Variants in NRG3 observed in about 807,000 individuals in gnomAD.
NRG3 encodes the protein pro-neuregulin-3, membrane-bound isoform.
Under a neutral mutation model 66.9 loss-of-function variants are expected in NRG3, and 31 were observed. The observed-to-expected ratio is 0.46, with a 90% CI of 0.35 to 0.63. NRG3 has a LOEUF of 0.63. Ranked by LOEUF, NRG3 falls within the 20% of genes least tolerant of loss-of-function variation. The pLI is 0.00. For missense variants in NRG3, 910 were observed against 878.9 expected, an observed-to-expected ratio of 1.04 and a Z score of -0.45; for synonymous variants, 393 against 359.4, an observed-to-expected ratio of 1.09 and a Z score of -1.06.
intron 1 of NRG3, among the ~76,000 whole-genome samples, chr10:82,253,190 G>A (rs935739782): frequency 4.6e-5 from 7 of 152,112 alleles, no homozygotes; most frequent in Non-Finnish European, 1.0e-4. Context: ...TATCTGGTTA[G>A]TTCAAATACC....
At chr10:82,864,522 A>G (rs924186678) in intron 3 of NRG3, among the ~76,000 whole-genome samples, 5 of 152,166 alleles carry the variant, frequency 3.3e-5, no homozygotes, top group Non-Finnish European at 7.4e-5. Flanking sequence ...TCAGACAAAT[A>G]TTATGGCAAC....
At chr10:82,430,837 G>C (rs930009530) in intron 2 of NRG3, among the ~76,000 whole-genome samples, 3 of 152,088 alleles carry the variant, frequency 2.0e-5, no homozygotes, top group African/African-American at 7.2e-5. Flanking sequence ...ATCTGCCAAT[G>C]GGCTCTCTAC....
intron 1 of NRG3, among the ~76,000 whole-genome samples, chr10:82,142,064 A>G (rs1408081776): frequency 2.0e-5 from 3 of 152,228 alleles, no homozygotes; most frequent in Non-Finnish European, 4.4e-5. Context: ...ATCAATTGTT[A>G]CAGATTGAGG....
At chr10:82,495,842 A>ACACACACACACACACACACACAC (rs1554944162) in intron 2 of NRG3, among the ~76,000 whole-genome samples, 1 of 151,672 alleles carries the variant, frequency 6.6e-6, no homozygotes. Flanking sequence ...ACACACACAC[A>ACACACACACACACACACACACAC]AAGATGCAAA....
At chr10:82,165,840 A>G (rs7908328) in intron 1 of NRG3, among the ~76,000 whole-genome samples, 14,151 of 151,882 alleles carry the variant, frequency 0.093, 963 homozygotes, top group African/African-American at 0.18. Flanking sequence ...AAAATTCTCA[A>G]TATTCCAACA....
intron 2 of NRG3, among the ~76,000 whole-genome samples, chr10:82,710,281 C>A (rs1489309407): frequency 6.6e-6 from 1 of 152,076 alleles, no homozygotes; most frequent in African/African-American, 2.4e-5. Context: ...CTCAGTATTT[C>A]TCAAGATTAA....
intron 2 of NRG3, among the ~76,000 whole-genome samples, chr10:82,504,962 G>C (rs964250457): frequency 1.3e-5 from 2 of 152,058 alleles, no homozygotes; most frequent in Non-Finnish European, 2.9e-5. Context: ...AGAAAGAAAG[G>C]GAACCAAAAT....
intron 1 of NRG3, among the ~76,000 whole-genome samples, chr10:81,931,848 C>G (rs1847378942): frequency 6.6e-6 from 1 of 152,072 alleles, no homozygotes; most frequent in South Asian, 2.1e-4. Context: ...AGGCAGAAAG[C>G]TTTTTTGTTT....
At chr10:82,030,566 A>T (rs1174775248) in intron 1 of NRG3, among the ~76,000 whole-genome samples, 3 of 152,102 alleles carry the variant, frequency 2.0e-5, no homozygotes, top group Non-Finnish European at 4.4e-5. Flanking sequence ...AGAAAACGTG[A>T]TTCATACCAA....
chr10:81,883,953 C>T (rs1160705148), intron 1 of NRG3, among the ~76,000 whole-genome samples: 1 of 152,088 alleles, frequency 6.6e-6, no homozygotes, highest in Non-Finnish European at 1.5e-5. Context: ...TTACCGTGTG[C>T]CTGGGCATGT....
intron 2 of NRG3, among the ~76,000 whole-genome samples, chr10:82,731,049 A>G (rs1249782136): frequency 6.6e-6 from 1 of 152,016 alleles, no homozygotes; most frequent in Non-Finnish European, 1.5e-5. Flanking sequence ...TGGCTTTTAA[A>G]TCGAGGGTAG....
chr10:82,748,147 G>T (rs999021833), intron 3 of NRG3, among the ~76,000 whole-genome samples: 1 of 151,536 alleles, frequency 6.6e-6, no homozygotes, highest in Non-Finnish European at 1.5e-5. Context: ...AGTTTTAAGA[G>T]AATTGTAGTT....
At chr10:82,626,208 A>G (rs1194525995) in intron 2 of NRG3, among the ~76,000 whole-genome samples, 2 of 152,198 alleles carry the variant, frequency 1.3e-5, no homozygotes, top group East Asian at 1.9e-4. Context: ...ACTTTTATAG[A>G]TGATCAATTA....
intron 1 of NRG3, among the ~76,000 whole-genome samples, chr10:82,210,510 GAGA>G (rs979998406): frequency 6.6e-6 from 1 of 152,182 alleles, no homozygotes; most frequent in African/African-American, 2.4e-5. Context: ...TTGTGCGAAA[GAGA>G]AGATTTCAAA....
At chr10:82,623,035 C>T (rs1032048183) in intron 2 of NRG3, among the ~76,000 whole-genome samples, 3 of 151,846 alleles carry the variant, frequency 2.0e-5, no homozygotes, top group Non-Finnish European at 4.4e-5. Context: ...TTTTTCTAGC[C>T]CATCATCTCT....
At chr10:82,278,545 C>T (rs1158417777) in intron 1 of NRG3, among the ~76,000 whole-genome samples, 6 of 152,168 alleles carry the variant, frequency 3.9e-5, no homozygotes, top group Admixed American at 2.6e-4. Flanking sequence ...TGGCTTTCCT[C>T]GTCGAGGTTC....
chr10:82,721,536 C>A (rs2057321519), intron 2 of NRG3, among the ~76,000 whole-genome samples: 1 of 152,130 alleles, frequency 6.6e-6, no homozygotes, highest in African/African-American at 2.4e-5. Context: ...AATTCTCCTG[C>A]CTCAGCCTTT....
intron 2 of NRG3, among the ~76,000 whole-genome samples, chr10:82,394,931 T>C (rs1316253830): frequency 1.3e-5 from 2 of 152,130 alleles, no homozygotes; most frequent in African/African-American, 4.8e-5. Context: ...CCCTTCCCAG[T>C]AGTATTAAGC....
intron 3 of NRG3, among the ~76,000 whole-genome samples, chr10:82,834,005 C>T (rs2062654789): frequency 1.3e-5 from 2 of 152,120 alleles, no homozygotes; most frequent in Admixed American, 6.6e-5. Flanking sequence ...ATATACTGCA[C>T]TCTTTTTTAT....
Sources: gnomAD v4.1 joint callset for allele counts (sites outside exome capture counted in the v4.1 genomes callset) on GRCh38, gnomAD v4.1.1 for gene constraint, MANE v1.5 for transcripts, NCBI Gene and HGNC (gene_info 2026-07-23, HGNC 2026-07-21) for gene names.